Variants in ABCC3 observed in about 807,000 individuals in gnomAD.
The protein encoded by ABCC3 is ATP binding cassette subfamily C member 3.
In ABCC3, 121 loss-of-function variants were observed where a neutral mutation model predicts 165.3. That is an observed-to-expected ratio of 0.73 (90% confidence interval 0.63 to 0.85). The LOEUF is 0.85. Among genes scored for constraint, ABCC3 ranks in the 40% least tolerant of loss-of-function variants. ABCC3 has a pLI of 0.00. For synonymous variants in ABCC3, 733 were observed against 810.1 expected (o/e 0.90, Z 1.62); for missense variants, 1,869 against 1,964.1 (o/e 0.95, Z 0.92).
rs750111001 is a variant in ABCC3 at position 50,658,092 on chromosome 17, C to G, written c.497C>G (p.Ser166Ter). Residue 166 changes from serine to a stop codon, truncating the protein, a stop_gained, in exon 5 of 31, where the codon TCA (serine) becomes TGA (stop). Coordinates refer to ENST00000285238, the MANE Select transcript of ABCC3 (RefSeq NM_003786.4). LOFTEE classifies it high-confidence loss of function. ...CACTCTCCCACCCAGGGTGAGATCT[C>G]AGACCCCTTCCGCTTCACCACCTTC... ...ILLAKAEGEI[S>*]DPFRFTTFYI... The G allele has an allele frequency of 6.2e-7, 1 of 1,614,074 alleles. No homozygotes were observed. Among genetic ancestry groups the G allele is most frequent in the Non-Finnish European group, 8.5e-7 (1 of 1,180,010 alleles).
Position 50,669,184 on chromosome 17 carries a change from G to C in ABCC3, c.1982G>C (p.Gly661Ala). ...AAAGGGGCACTGGTGGCCGTGGTGG[G>C]GCCTGTGGGCTGTGGGAAGTCCTCC... is the stretch of plus-strand genomic sequence containing the variant. The part of the protein sequence containing the change: ...VPKGALVAVV[G>A]PVGCGKSSLV... Residue 661 changes from glycine to alanine, a missense_variant, in exon 16 of 31, where the codon GGG (glycine) becomes GCG (alanine). By Grantham distance (60) the Gly-to-Ala change is moderately conservative. Transcript: ENST00000285238. 1.2e-6 allele frequency: 2 copies of C among 1,608,070 alleles called. No homozygotes were observed. The highest frequency in any genetic ancestry group is 4.5e-5 in the East Asian group (2 of 44,868).
chr17:50,643,248 G>C (rs1966924153), intron 1 of ABCC3, among the ~76,000 whole-genome samples: 1 of 152,226 alleles, frequency 6.6e-6, no homozygotes, highest in Non-Finnish European at 1.5e-5. Context: ...AGGCTATCTG[G>C]ATGGCAACTA....
chr17:50,684,259 G>T, intron 28 of ABCC3, 152 bp downstream of exon 28: 4 of 1,092,614 alleles, frequency 3.7e-6, no homozygotes, highest in Non-Finnish European at 5.1e-6. Context: ...AGCCATCAGT[G>T]AGCCACCCGT....
intron 1 of ABCC3, among the ~76,000 whole-genome samples, chr17:50,646,770 G>C (rs546088676): frequency 6.6e-6 from 1 of 152,362 alleles, no homozygotes; most frequent in African/African-American, 2.4e-5. Context: ...GGAGGAACCA[G>C]GTAAGAGATA....
chr17:50,676,288 G>T lies in ABCC3; in HGVS notation c.3078G>T (p.Val1026=). ...TGCCTTCTCCAACAGGGTTCTTGGT[G>T]ATGCTGGCAGCCATGGCCATGGCAG... is the stretch of plus-strand genomic sequence containing the variant. ...AALGILQGFL[V]MLAAMAMAAG... The change falls in exon 23 of 31, where the codon GTG becomes GTT. Residue 1026 remains valine, a synonymous_variant. Coordinates refer to ENST00000285238, the MANE Select transcript of ABCC3 (RefSeq NM_003786.4). 6.2e-7 allele frequency: 1 copy of T among 1,612,334 alleles called. No individual in the cohort carries two copies. Among genetic ancestry groups the T allele is most frequent in the Non-Finnish European group, 8.5e-7 (1 of 1,178,998 alleles).
chr17:50,635,466 G>A (rs1040520335), intron 1 of ABCC3: 2 of 702,394 alleles, frequency 2.8e-6, no homozygotes, highest in African/African-American at 1.7e-5. Flanking sequence ...TTGGGAGGCC[G>A]GCTGTGCAGT....
At chr17:50,673,705 C>A (rs1481888194) in intron 19 of ABCC3, 47 bp downstream of exon 19, 11 of 1,583,810 alleles carry the variant, frequency 6.9e-6, no homozygotes, top group African/African-American at 1.3e-5. Context: ...TCCCAGCATT[C>A]CCCCTGTCTG....
At chr17:50,659,187 T>TA in intron 6 of ABCC3, 50 bp from the exon 7 acceptor site, 4 of 1,601,808 alleles carry the variant, frequency 2.5e-6, no homozygotes, top group Non-Finnish European at 3.4e-6. Flanking sequence ...TCCAGGCTGC[T>TA]AAACCCTGAC....
intron 11 of ABCC3, 100 bp downstream of exon 11, chr17:50,665,345 C>T (rs1376076367): frequency 6.9e-6 from 7 of 1,017,704 alleles, no homozygotes; most frequent in Non-Finnish European, 1.1e-5. Flanking sequence ...TACCTTGCTT[C>T]CTGAGTATGG....
intron 14 of ABCC3, 69 bp from the exon 15 acceptor site, chr17:50,668,784 C>G (rs1416123545): frequency 1.5e-6 from 2 of 1,358,482 alleles, no homozygotes; most frequent in Non-Finnish European, 2.1e-6. Context: ...CCCCTGCCCC[C>G]CAGCCTCCCT....
At chr17:50,679,995 G>T in intron 26 of ABCC3, 96 bp downstream of exon 26, 1 of 833,152 alleles carries the variant, frequency 1.2e-6, no homozygotes, top group Non-Finnish European at 2.0e-6. Context: ...GGCCTGCCAC[G>T]TATGGGGCTC....
Position 50,658,318 on chromosome 17 carries a change from C to T in ABCC3, c.612+111C>T, listed in dbSNP as rs148095925. 6 of 1,587,522 alleles carry T rather than the reference C, an allele frequency of 3.8e-6. No homozygotes were observed. In the East Asian group the frequency reaches 1.1e-4, roughly 30 times the overall value. ...TTTCAAAGTGGGAGAGAGGTCATCC[C>T]CACAATCTGTAAACTGGGGCTTGGA... On this transcript the variant is annotated intron_variant, in intron 5 of 30. Transcript: ENST00000285238.
At chr17:50,687,801 G>T (rs1968050792) in intron 30 of ABCC3, 71 bp downstream of exon 30, 4 of 1,468,004 alleles carry the variant, frequency 2.7e-6, no homozygotes, top group East Asian at 2.3e-5. Context: ...GGGCAGGGCA[G>T]ATTAGGGTTA....
At chr17:50,665,027 AC>A in intron 10 of ABCC3, 125 bp from the exon 11 acceptor site, 1 of 775,688 alleles carries the variant, frequency 1.3e-6, no homozygotes, top group Non-Finnish European at 2.2e-6. Flanking sequence ...TTGGCCAACC[AC>A]CATCTTTTGC....
In ABCC3 at chr17:50,680,130, G is replaced by A. The variant is rs150583160; in HGVS notation, c.3807+231G>A. Among the ~76,000 whole-genome samples the A allele has an allele frequency of 1.3e-3, 203 of 152,310 alleles. 1 individual carries two copies. Among genetic ancestry groups the A allele is most frequent in the African/African-American group, 4.6e-3 (192 of 41,560 alleles). On this transcript the variant is annotated intron_variant, in intron 26 of 30. Coordinates refer to ENST00000285238, the MANE Select transcript of ABCC3 (RefSeq NM_003786.4). Reference sequence around the variant, plus strand: ...AGGTGATTCTGATTTGGTGGGAGGGGTAAGACCTATTGCAGGGCTTTGCAG... The same window carrying A: ...AGGTGATTCTGATTTGGTGGGAGGGATAAGACCTATTGCAGGGCTTTGCAG...
intron 30 of ABCC3, 22 bp from the exon 31 acceptor site, chr17:50,691,070 C>T (rs1290074855): frequency 1.9e-6 from 3 of 1,590,574 alleles, no homozygotes. Flanking sequence ...GAAACCTGAC[C>T]ACTTCTCTCT....
In ABCC3 at chr17:50,672,984, C is replaced by A; in HGVS notation, c.2255C>A (p.Ser752Tyr). The A allele has an allele frequency of 6.2e-7, 1 of 1,613,936 alleles. No individual in the cohort carries two copies. The highest frequency in any genetic ancestry group is 8.5e-7 in the Non-Finnish European group (1 of 1,180,008). ...TEIGEKGINL[S>Y]GGQRQRVSLA... ...GCCTCCCTCCAGGGCATTAACCTGT[C>A]TGGGGGCCAGCGGCAGCGGGTCAGT... The change falls in exon 18 of 31, where the codon TCT (serine) becomes TAT (tyrosine). Residue 752 changes from serine (S) to tyrosine (Y), a missense_variant. Physicochemically the swap from Ser to Tyr is moderately radical, Grantham distance 144. Coordinates refer to ENST00000285238, the MANE Select transcript of ABCC3 (RefSeq NM_003786.4).
intron 18 of ABCC3, 113 bp downstream of exon 18, chr17:50,673,251 GTGGGCATGTGGGT>G: frequency 7.3e-7 from 1 of 1,375,294 alleles, no homozygotes; most frequent in South Asian, 1.3e-5. Context: ...GGCGCAAGAA[GTGGGCATGTGGGT>G]TGGGCATCAG....
chr17:50,673,982 C>CTTTTTCTT, intron 19 of ABCC3, among the ~76,000 whole-genome samples: 1 of 14,704 alleles, frequency 6.8e-5, no homozygotes, highest in African/African-American at 3.3e-4. Flanking sequence ...CTTTCTTTCT[C>CTTTTTCTT]TCTCTCTCTC....
Sources: allele counts gnomAD v4.1 joint callset (sites outside exome capture counted in the v4.1 genomes callset), GRCh38; gene constraint gnomAD v4.1.1; transcripts MANE v1.5; gene names NCBI Gene and HGNC (gene_info 2026-07-23, HGNC 2026-07-21).